The following FOXP2 variants were observed in gnomAD, a reference collection of about 807,000 sequenced individuals.
FOXP2 encodes forkhead box P2.
In FOXP2, 12 loss-of-function variants were observed where a neutral mutation model predicts 115.8. The ratio of observed to expected loss-of-function variants is 0.10; its 90% confidence interval spans 0.07 to 0.17. The LOEUF (loss-of-function observed/expected upper bound fraction) is 0.17, where lower values mean the gene tolerates loss of function less well. Among genes scored for constraint, FOXP2 ranks in the 10% least tolerant of loss-of-function variants. The pLI is 1.00. For missense variants in FOXP2, 629 were observed against 843.5 expected (o/e 0.75, Z 3.15); for synonymous variants, 328 against 297.7 (o/e 1.10, Z -1.05).
chr7:114,243,973 A>C (rs1353012842), intron 1 of FOXP2, among the ~76,000 whole-genome samples: 1 of 151,478 alleles, frequency 6.6e-6, no homozygotes, highest in Non-Finnish European at 1.5e-5. Context: ...AGAATCACTG[A>C]AAAGTTTTAT....
At position 114,689,959 on chromosome 7, in the gene FOXP2, C is replaced by T; in HGVS notation, c.*33C>T. On this transcript the variant is annotated 3_prime_UTR_variant, in exon 17 of 17. Transcript: ENST00000350908. ...CTTGTGAAACCTCAGCGTGAAGGGA[C>T]ATATCACTGACCTTCATAACCACTC... 6.2e-7 allele frequency: 1 copy of T among 1,609,758 alleles called. No individual in the cohort carries two copies. Among genetic ancestry groups the T allele is most frequent in the East Asian group, 2.2e-5 (1 of 44,828 alleles).
intron 2 of FOXP2, among the ~76,000 whole-genome samples, chr7:114,292,009 G>GAAT (rs1307103682): frequency 5.6e-5 from 7 of 124,810 alleles, no homozygotes; most frequent in Non-Finnish European, 8.4e-5. Flanking sequence ...ATAATATATA[G>GAAT]ATATAACATT....
chr7:114,127,948 G>A (rs767286534), intron 1 of FOXP2, among the ~76,000 whole-genome samples: 2 of 152,132 alleles, frequency 1.3e-5, no homozygotes, highest in East Asian at 1.9e-4. Flanking sequence ...ATGAACATAT[G>A]TCTTGTTAAA....
At chr7:114,291,909 GAATATATATTATAGATA>G (rs1796606090) in intron 2 of FOXP2, among the ~76,000 whole-genome samples, 1 of 136,328 alleles carries the variant, frequency 7.3e-6, no homozygotes, top group African/African-American at 2.9e-5. Flanking sequence ...ATAATATATA[GAATATATATTATAGATA>G]ATATATAGAA....
At chr7:114,643,042 A>C (rs1805667822) in intron 7 of FOXP2, among the ~76,000 whole-genome samples, 1 of 150,896 alleles carries the variant, frequency 6.6e-6, no homozygotes, top group Non-Finnish European at 1.5e-5. Context: ...CTATCTCCTG[A>C]CCTCGTGATC....
At chr7:114,379,640 C>T (rs569068242) in intron 2 of FOXP2, among the ~76,000 whole-genome samples, 9 of 152,152 alleles carry the variant, frequency 5.9e-5, no homozygotes, top group South Asian at 2.1e-4. Context: ...ATTTGAAAAA[C>T]CATTTGTAGT....
At chr7:114,644,861 A>G in intron 8 of FOXP2, 72 bp downstream of exon 8, 3 of 1,167,608 alleles carry the variant, frequency 2.6e-6, no homozygotes, top group Non-Finnish European at 3.8e-6. Flanking sequence ...CATTGTAAAT[A>G]AACAAAAGAT....
intron 3 of FOXP2, among the ~76,000 whole-genome samples, chr7:114,614,480 G>C (rs943704354): frequency 6.6e-6 from 1 of 151,946 alleles, no homozygotes; most frequent in Non-Finnish European, 1.5e-5. Flanking sequence ...CTTTGTTATG[G>C]TTTGTACTAT....
chr7:114,242,430 A>G (rs1795177789), intron 1 of FOXP2, among the ~76,000 whole-genome samples: 1 of 152,080 alleles, frequency 6.6e-6, no homozygotes, highest in Non-Finnish European at 1.5e-5. Context: ...AAGTTTATAG[A>G]GATGGAATGT....
intron 8 of FOXP2, chr7:114,645,081 A>T: frequency 5.7e-6 from 1 of 174,032 alleles, no homozygotes; most frequent in Non-Finnish European, 1.2e-5. Flanking sequence ...TATAAAATAG[A>T]ATTCTCTTAA....
chr7:114,396,610 T>C (rs926070475), intron 2 of FOXP2, among the ~76,000 whole-genome samples: 3 of 152,022 alleles, frequency 2.0e-5, no homozygotes, highest in Non-Finnish European at 2.9e-5. Context: ...ATGTGGAATC[T>C]TAAAAAAGTT....
At chr7:114,313,559 A>C (rs1271066516) in intron 2 of FOXP2, among the ~76,000 whole-genome samples, 1 of 62,110 alleles carries the variant, frequency 1.6e-5, no homozygotes, top group Non-Finnish European at 2.9e-5. Flanking sequence ...TCCCGGCTAA[A>C]ACGGTGAAAC....
chr7:114,474,646 G>T (rs1175420466), intron 2 of FOXP2, among the ~76,000 whole-genome samples: 2 of 152,104 alleles, frequency 1.3e-5, no homozygotes, highest in South Asian at 2.1e-4. Flanking sequence ...ATTGGTTAGG[G>T]AATTTTTACC....
At chr7:114,416,775 TTAA>T (rs1793365906) in intron 1 of FOXP2, among the ~76,000 whole-genome samples, 1 of 152,084 alleles carries the variant, frequency 6.6e-6, no homozygotes, top group Non-Finnish European at 1.5e-5. Flanking sequence ...GTGGAGAGGT[TTAA>T]TGATTAGCCT....
chr7:114,173,450 A>G (rs962071383), intron 1 of FOXP2, among the ~76,000 whole-genome samples: 6 of 150,540 alleles, frequency 4.0e-5, no homozygotes, highest in Admixed American at 6.6e-5. Flanking sequence ...CCCAGGAGTG[A>G]ACGTCATCTT....
intron 2 of FOXP2, among the ~76,000 whole-genome samples, chr7:114,331,405 A>G (rs1431847841): frequency 3.3e-5 from 5 of 152,294 alleles, no homozygotes; most frequent in Admixed American, 3.3e-4. Flanking sequence ...ATATCAATAT[A>G]TAACCTTAGA....
At chr7:114,637,206 C>T (rs555931914) in intron 6 of FOXP2, among the ~76,000 whole-genome samples, 1 of 152,012 alleles carries the variant, frequency 6.6e-6, no homozygotes, top group Non-Finnish European at 1.5e-5. Context: ...GTATGATAGA[C>T]AATTTGATTA....
upstream of FOXP2, among the ~76,000 whole-genome samples, chr7:114,158,534 A>T (rs1792732975): frequency 6.6e-6 from 1 of 152,094 alleles, no homozygotes. Flanking sequence ...ATGGGTCTTA[A>T]AAAAACACCT....
chr7:114,117,265 A>G (rs2129143072), intron 1 of FOXP2, among the ~76,000 whole-genome samples: 1 of 150,010 alleles, frequency 6.7e-6, no homozygotes, highest in South Asian at 2.1e-4. Flanking sequence ...TCTGTTGTCC[A>G]GGGTGGAGTG....
Sources: allele counts gnomAD v4.1 joint callset (sites outside exome capture counted in the v4.1 genomes callset), GRCh38; gene constraint gnomAD v4.1.1; transcripts MANE v1.5; gene names NCBI Gene and HGNC (gene_info 2026-07-23, HGNC 2026-07-21).